The following DOK6 variants were observed in gnomAD, a reference collection of about 807,000 sequenced individuals.
DOK6 encodes docking protein 6.
DOK6 carries 22 observed loss-of-function variants against 44.0 expected under a neutral mutation model. That is an observed-to-expected ratio of 0.50 (90% CI 0.36 to 0.71). The LOEUF (loss-of-function observed/expected upper bound fraction) is 0.71. Ranked by LOEUF, DOK6 falls within the 30% of genes least tolerant of loss-of-function variation. The pLI is 0.00. For missense variants in DOK6, 340 were observed against 416.4 expected, an observed-to-expected ratio of 0.82 and a Z score of 1.60; for synonymous variants, 166 against 145.5, an observed-to-expected ratio of 1.14 and a Z score of -1.01.
At chr18:69,416,745 G>A (rs1404694375) in intron 1 of DOK6, among the ~76,000 whole-genome samples, 2 of 152,090 alleles carry the variant, frequency 1.3e-5, no homozygotes, top group African/African-American at 4.8e-5. Context: ...CCACCTCATA[G>A]GGCTGTGAGG....
chr18:69,729,813 G>C (rs1978346192), intron 5 of DOK6, among the ~76,000 whole-genome samples: 1 of 151,998 alleles, frequency 6.6e-6, no homozygotes, highest in Non-Finnish European at 1.5e-5. Flanking sequence ...AAATCAGATA[G>C]GTAAAAAAGA....
chr18:69,614,567 TG>T (rs1984240482), intron 3 of DOK6, among the ~76,000 whole-genome samples: 1 of 151,362 alleles, frequency 6.6e-6, no homozygotes, highest in South Asian at 2.1e-4. Flanking sequence ...TGTGTGTGTG[TG>T]TGTGTGTTAA....
intron 7 of DOK6, among the ~76,000 whole-genome samples, chr18:69,785,364 T>A (rs1051605492): frequency 6.6e-6 from 1 of 152,228 alleles, no homozygotes; most frequent in Non-Finnish European, 1.5e-5. Flanking sequence ...CTGTTCGTCC[T>A]GTTTTGCCCA....
chr18:69,621,676 A>C (rs1032723864), intron 3 of DOK6, among the ~76,000 whole-genome samples: 2 of 152,158 alleles, frequency 1.3e-5, no homozygotes, highest in African/African-American at 4.8e-5. Context: ...AAGAGTGCTG[A>C]AACAGACACT....
intron 1 of DOK6, among the ~76,000 whole-genome samples, chr18:69,446,038 CTTT>C (rs1016998353): frequency 6.1e-5 from 9 of 146,740 alleles, no homozygotes; most frequent in Admixed American, 6.1e-4. Flanking sequence ...ATTTATATTT[CTTT>C]TTTTATTTCC....
chr18:69,581,333 A>G (rs4513200), intron 2 of DOK6, among the ~76,000 whole-genome samples: 15,822 of 152,252 alleles, frequency 0.1, 1,095 homozygotes, highest in East Asian at 0.3. Context: ...TAATTTATGG[A>G]AAGGTACTGG....
At chr18:69,424,480 G>A (rs1034247746) in intron 1 of DOK6, among the ~76,000 whole-genome samples, 24 of 152,114 alleles carry the variant, frequency 1.6e-4, no homozygotes, top group Admixed American at 1.4e-3. Flanking sequence ...GTACAAGAAT[G>A]CCATCTATAT....
At chr18:69,701,291 T>G (rs1986514161) in intron 5 of DOK6, among the ~76,000 whole-genome samples, 1 of 152,246 alleles carries the variant, frequency 6.6e-6, no homozygotes, top group Non-Finnish European at 1.5e-5. Context: ...GCCCAGGAGA[T>G]GTATTCATAG....
intron 3 of DOK6, 65 bp downstream of exon 3, chr18:69,599,563 C>T (rs1215956090): frequency 2.7e-5 from 36 of 1,322,594 alleles, no homozygotes; most frequent in Admixed American, 1.3e-4. Flanking sequence ...ATGGCCCAGG[C>T]GGATTAAGGT....
chr18:69,757,469 A>T (rs943848013), intron 6 of DOK6, among the ~76,000 whole-genome samples: 7 of 152,234 alleles, frequency 4.6e-5, no homozygotes, highest in African/African-American at 1.7e-4. Flanking sequence ...AGTACAATTG[A>T]TCATGCCCTG....
intron 7 of DOK6, among the ~76,000 whole-genome samples, chr18:69,806,541 G>T (rs1981055668): frequency 6.6e-6 from 1 of 151,898 alleles, no homozygotes; most frequent in Non-Finnish European, 1.5e-5. Context: ...CAGAATAACA[G>T]ATTAGAAAAA....
At chr18:69,773,247 T>G (rs1483028870) in intron 7 of DOK6, among the ~76,000 whole-genome samples, 1 of 151,916 alleles carries the variant, frequency 6.6e-6, no homozygotes, top group East Asian at 1.9e-4. Flanking sequence ...TTGATGGGAA[T>G]GCAAAATGGT....
chr18:69,487,667 C>T (rs1051986675), intron 1 of DOK6, among the ~76,000 whole-genome samples: 1 of 152,134 alleles, frequency 6.6e-6, no homozygotes, highest in African/African-American at 2.4e-5. Context: ...AGGAAAGAGG[C>T]CCTGAGAAGC....
At chr18:69,581,180 G>A (rs1983360606) in intron 2 of DOK6, among the ~76,000 whole-genome samples, 1 of 152,152 alleles carries the variant, frequency 6.6e-6, no homozygotes, top group Non-Finnish European at 1.5e-5. Flanking sequence ...ATGCATAGCA[G>A]GGGTTGGGGC....
At chr18:69,815,110 G>A (rs897153058) in intron 7 of DOK6, among the ~76,000 whole-genome samples, 9 of 152,108 alleles carry the variant, frequency 5.9e-5, no homozygotes, top group African/African-American at 1.2e-4. Flanking sequence ...TAGATCAGGG[G>A]AGTCAACACA....
intron 1 of DOK6, among the ~76,000 whole-genome samples, chr18:69,508,013 G>A (rs566162369): frequency 4.9e-4 from 75 of 152,148 alleles, no homozygotes; most frequent in Non-Finnish European, 8.5e-4. Flanking sequence ...TTTTTATAGA[G>A]GCTATATGTC....
rs1440576563 is a variant in DOK6 at position 69,744,671 on chromosome 18, C to T, written c.738+5568C>T. Among the ~76,000 whole-genome samples, 6 of 151,996 alleles carry T rather than the reference C, an allele frequency of 3.9e-5. No homozygotes were observed. In the East Asian group the frequency reaches 1.2e-3, roughly 30 times the overall value. On this transcript the variant is annotated intron_variant, in intron 6 of 7. Coordinates refer to ENST00000382713, the MANE Select transcript of DOK6 (RefSeq NM_152721.6). The stretch of plus-strand genomic sequence containing the variant: ...TGGGCGGGGTGGCTCACGCCTGTAA[C>T]CCCTGCACTTTGGGAGGCCGAGGCG...
At chr18:69,705,726 A>T (rs1986618376) in intron 5 of DOK6, among the ~76,000 whole-genome samples, 1 of 152,052 alleles carries the variant, frequency 6.6e-6, no homozygotes, top group Admixed American at 6.6e-5. Context: ...AAGGTTTTGA[A>T]TTTTTCAAAT....
intron 7 of DOK6, among the ~76,000 whole-genome samples, chr18:69,817,819 A>G (rs780817474): frequency 6.6e-6 from 1 of 152,306 alleles, no homozygotes. Context: ...CACACGCTAG[A>G]TGCAACATGA....
Sources: allele counts gnomAD v4.1 joint callset (sites outside exome capture counted in the v4.1 genomes callset), GRCh38; gene constraint gnomAD v4.1.1; transcripts MANE v1.5; gene names NCBI Gene and HGNC (gene_info 2026-07-23, HGNC 2026-07-21).